The following RASA3 variants were observed in gnomAD, a reference collection of about 807,000 sequenced individuals.
RASA3 encodes RAS p21 protein activator 3, also known as ras GTPase-activating protein 3.
RASA3 carries 73 observed loss-of-function variants against 110.0 expected under a neutral mutation model. The ratio of observed to expected loss-of-function variants is 0.66; its 90% CI spans 0.55 to 0.81. RASA3 has a LOEUF of 0.81. Among genes scored for constraint, RASA3 ranks in the 30% least tolerant of loss-of-function variants. The pLI is 0.00. For synonymous variants in RASA3, 500 were observed against 451.4 expected, an observed-to-expected ratio of 1.11 and a Z score of -1.37; for missense variants, 976 against 1,113.2, an observed-to-expected ratio of 0.88 and a Z score of 1.75.
At chr13:114,126,659 C>T (rs1429517438) in intron 1 of RASA3, among the ~76,000 whole-genome samples, 2 of 152,204 alleles carry the variant, frequency 1.3e-5, no homozygotes. Context: ...TATATATTTG[C>T]TTACATAGAA....
At chr13:114,022,682 G>A (rs1243907330) in intron 8 of RASA3, among the ~76,000 whole-genome samples, 1 of 152,226 alleles carries the variant, frequency 6.6e-6, no homozygotes, top group East Asian at 1.9e-4. Flanking sequence ...CCGCTGATCT[G>A]CCCATGGACA....
chr13:114,118,692 G>A (rs930373088), intron 1 of RASA3, among the ~76,000 whole-genome samples: 1 of 152,226 alleles, frequency 6.6e-6, no homozygotes, highest in Non-Finnish European at 1.5e-5. Flanking sequence ...TAAGCAAGTG[G>A]CAGCTTTTGA....
At chr13:114,007,390 TCC>T in intron 18 of RASA3, 141 bp downstream of exon 18, 1 of 238,118 alleles carries the variant, frequency 4.2e-6, no homozygotes, top group Non-Finnish European at 6.7e-6. Flanking sequence ...CCTTCTCCCC[TCC>T]TGCCCTGCTG....
At chr13:114,124,492 A>G (rs2183244) in intron 1 of RASA3, among the ~76,000 whole-genome samples, 113,203 of 152,208 alleles carry the variant, frequency 0.74, 42,360 homozygotes, top group East Asian at 0.92. Context: ...TCTGAAACTC[A>G]TATCTACAGC....
intron 1 of RASA3, among the ~76,000 whole-genome samples, chr13:114,075,326 A>G (rs1293875682): frequency 6.6e-6 from 1 of 152,230 alleles, no homozygotes; most frequent in African/African-American, 2.4e-5. Flanking sequence ...GCAAACTGGC[A>G]TGCCAGCAAC....
rs1594321375 is a variant in RASA3, at chr13:114,013,590, C to CCA, written c.1406-343_1406-342insTG. On this transcript the variant is annotated intron_variant, in intron 14 of 23. Coordinates refer to ENST00000334062, the MANE Select transcript of RASA3 (RefSeq NM_007368.4). ...TCCCTATCTCTGTCTCTCTCTCTCTCTCTCCGTCTCTGGCTCTCTCCCCCC... is the reference window on the plus strand; with the variant it reads ...TCCCTATCTCTGTCTCTCTCTCTCTCCATCTCCGTCTCTGGCTCTCTCCCCCC... Among the ~76,000 whole-genome samples, 11 of 88,390 alleles carry CCA rather than the reference C, an allele frequency of 1.2e-4. 1 individual carries two copies. The East Asian group carries it at 2.5e-3, about 20-fold the overall frequency. 58.0% of individuals were successfully genotyped at this position (88,390 alleles called of 152,430 possible). A position where few individuals can be genotyped will look rare whatever the true frequency, so the allele number is the denominator to read the frequency against.
intron 1 of RASA3, among the ~76,000 whole-genome samples, chr13:114,129,802 GC>G (rs2080494607): frequency 6.6e-6 from 1 of 152,170 alleles, no homozygotes; most frequent in Non-Finnish European, 1.5e-5. Flanking sequence ...GAAGACACGG[GC>G]CCTGGGTCAT....
Position 114,011,078 on chromosome 13 carries a change from C to A in RASA3, c.1590+93G>T. On this transcript the variant is annotated intron_variant, in intron 16 of 23. Coordinates refer to ENST00000334062, the MANE Select transcript of RASA3 (RefSeq NM_007368.4). The surrounding 1 kb of genome is among the most constrained non-coding windows in gnomAD (Gnocchi z 4.8). ...GATTCTTGATCTTTATCTTACGACT[C>A]TCTCAAATGTGGGAGGTTTTTCACG... 8.6e-7 allele frequency: 1 copy of A among 1,162,684 alleles called. No individual in the cohort carries two copies. The highest frequency in any genetic ancestry group is 1.3e-5 in the South Asian group (1 of 76,890). The allele number at this position is 1,162,684 out of a possible 1,614,324, so 72.0% of individuals were successfully genotyped here.
Position 114,114,109 on chromosome 13 carries a change from G to A in RASA3, c.55+18326C>T, listed in dbSNP as rs187729061. ...TGTCTGCGATGTCTGTAGTGTCTGC[G>A]ATGTCTGTAGTATCTGCAATGTCCA... On this transcript the variant is annotated intron_variant, in intron 1 of 23. Transcript: ENST00000334062. The surrounding 1 kb of genome is among the most constrained non-coding windows in gnomAD (Gnocchi z 4.8). 1.1e-3 allele frequency among the ~76,000 whole-genome samples: 174 copies of A among 152,192 alleles called. No individual in the cohort carries two copies. Among genetic ancestry groups the A allele is most frequent in the African/African-American group, 4.1e-3 (170 of 41,490 alleles).
chr13:114,053,872 T>A (rs2079194192), intron 2 of RASA3, among the ~76,000 whole-genome samples: 1 of 152,388 alleles, frequency 6.6e-6, no homozygotes, highest in South Asian at 2.1e-4. Flanking sequence ...ACGCCTGTAA[T>A]CCCAACACTT....
At chr13:114,017,099 A>G in intron 12 of RASA3, 138 bp downstream of exon 12, 1 of 724,510 alleles carries the variant, frequency 1.4e-6, no homozygotes, top group Non-Finnish European at 2.4e-6. Context: ...TGAATGAATC[A>G]GCATCCCCGT....
At chr13:114,104,203 G>A (rs564798308) in intron 1 of RASA3, among the ~76,000 whole-genome samples, 7 of 74,548 alleles carry the variant, frequency 9.4e-5, no homozygotes, top group South Asian at 6.5e-4. Flanking sequence ...CCCCCGATGC[G>A]TCCACGCTGC....
At chr13:114,000,152 G>A (rs2053360207) in intron 19 of RASA3, among the ~76,000 whole-genome samples, 1 of 124,238 alleles carries the variant, frequency 8.0e-6, no homozygotes, top group African/African-American at 3.5e-5. Context: ...GTCTCTGTTG[G>A]GGGTGTCTCT....
intron 18 of RASA3, among the ~76,000 whole-genome samples, chr13:114,001,447 AGGGT>A (rs2053396984): frequency 7.4e-6 from 1 of 134,340 alleles, no homozygotes; most frequent in Non-Finnish European, 1.7e-5. Context: ...GCTCGGGGTC[AGGGT>A]GGGCAGTGGA....
chr13:114,033,185 C>T (rs2054208710), intron 4 of RASA3, among the ~76,000 whole-genome samples: 1 of 81,584 alleles, frequency 1.2e-5, no homozygotes, highest in Non-Finnish European at 2.5e-5. Context: ...CGCCCCACGG[C>T]ACCCCCACAC....
At chr13:114,024,191 G>T in intron 8 of RASA3, 88 bp downstream of exon 8, 1 of 1,226,616 alleles carries the variant, frequency 8.2e-7, no homozygotes, top group South Asian at 1.2e-5. Context: ...TTCTATCTAT[G>T]ACCCTATATT....
At chr13:113,988,952 G>A (rs563407911) in intron 22 of RASA3, among the ~76,000 whole-genome samples, 31 of 86,964 alleles carry the variant, frequency 3.6e-4, no homozygotes, top group African/African-American at 1.3e-3. Flanking sequence ...CACCCTGTCC[G>A]TACACCCATC....
chr13:114,117,073 G>GAGA (rs2080291451), intron 1 of RASA3, among the ~76,000 whole-genome samples: 1 of 136,708 alleles, frequency 7.3e-6, no homozygotes, highest in Non-Finnish European at 1.6e-5. Flanking sequence ...TGTGTGTGGG[G>GAGA]GTGCACGTGT....
intron 1 of RASA3, chr13:114,078,101 G>T: frequency 1.3e-6 from 1 of 743,020 alleles, no homozygotes; most frequent in Non-Finnish European, 1.6e-6. Context: ...GACCAGGAGG[G>T]CTGGGGCTGC....
Sources: gnomAD v4.1 joint callset for allele counts (sites outside exome capture counted in the v4.1 genomes callset) on GRCh38, gnomAD v4.1.1 for gene constraint, Gnocchi (gnomAD v3.1) non-coding constraint, MANE v1.5 for transcripts, NCBI Gene and HGNC (gene_info 2026-07-23, HGNC 2026-07-21) for gene names.